Variants in PCBP3 observed in about 807,000 individuals in gnomAD.
PCBP3 encodes poly(rC)-binding protein 3.
A neutral mutation model predicts 52.7 loss-of-function variants in PCBP3; 25 were observed. The ratio of observed to expected loss-of-function variants is 0.47; its 90% CI spans 0.35 to 0.66. The LOEUF (loss-of-function observed/expected upper bound fraction) is 0.66. PCBP3 is among the 30% of genes least tolerant of loss of function. The probability of loss-of-function intolerance (pLI) is 0.01; values close to 1 mark genes in which losing one functional copy is unlikely to be tolerated. For missense variants in PCBP3, 391 were observed against 490.3 expected (o/e 0.80, Z 1.91); for synonymous variants, 162 against 183.0 (o/e 0.89, Z 0.93).
chr21:45,699,890 GAC>G (rs1414505001), intron 2 of PCBP3, among the ~76,000 whole-genome samples: 5 of 152,158 alleles, frequency 3.3e-5, no homozygotes, highest in Admixed American at 3.3e-4. Flanking sequence ...TTTGGGTGGG[GAC>G]ACAGCCAAAC....
intron 4 of PCBP3, among the ~76,000 whole-genome samples, chr21:45,758,860 G>C (rs1384277871): frequency 2.6e-5 from 4 of 152,006 alleles, no homozygotes; most frequent in Non-Finnish European, 5.9e-5. Context: ...TAAGTATGAT[G>C]ATAGCTTTTT....
chr21:45,838,398 C>CTAATAA (rs373725751), intron 4 of PCBP3, among the ~76,000 whole-genome samples: 10 of 151,582 alleles, frequency 6.6e-5, no homozygotes, highest in South Asian at 2.1e-4. Context: ...TGTTTTTGTT[C>CTAATAA]TAATAATAAT....
At chr21:45,814,266 TG>T (rs1427379423) in intron 4 of PCBP3, among the ~76,000 whole-genome samples, 5 of 152,014 alleles carry the variant, frequency 3.3e-5, no homozygotes, top group Non-Finnish European at 5.9e-5. Flanking sequence ...TCTGGGTGAG[TG>T]AGTGGTGGGT....
intron 4 of PCBP3, among the ~76,000 whole-genome samples, chr21:45,775,584 C>G (rs891410000): frequency 6.6e-6 from 1 of 152,024 alleles, no homozygotes; most frequent in African/African-American, 2.4e-5. Context: ...TCCTGGCTAA[C>G]TTTTTAAATT....
intron 4 of PCBP3, among the ~76,000 whole-genome samples, chr21:45,789,068 C>A (rs1466778124): frequency 6.6e-6 from 1 of 152,176 alleles, no homozygotes; most frequent in Non-Finnish European, 1.5e-5. Flanking sequence ...GGCTGTGTCC[C>A]CAGAGCTGGC....
intron 4 of PCBP3, among the ~76,000 whole-genome samples, chr21:45,766,158 A>G (rs575868176): frequency 6.6e-5 from 10 of 152,326 alleles, no homozygotes; most frequent in Admixed American, 5.9e-4. Context: ...TTGACCAGCC[A>G]TCCTTAGTGA....
At position 45,849,991 on chromosome 21, in the gene PCBP3, T is replaced by G; in HGVS notation, c.-95T>G. The G allele has an allele frequency of 8.2e-7, 1 of 1,220,876 alleles. No homozygotes were observed. Among genetic ancestry groups the G allele is most frequent in the Non-Finnish European group, 1.2e-6 (1 of 845,306 alleles). The allele number at this position is 1,220,876 out of a possible 1,614,324, so 75.6% of individuals were successfully genotyped here. On this transcript the variant is annotated 5_prime_UTR_variant, in exon 5 of 18. Coordinates refer to ENST00000681687, the MANE Select transcript of PCBP3 (RefSeq NM_001384156.1). ...TAGGCTCCACGACAAAAGTCAACCC[T>G]TCTGTAAATCACCTGCTGTGGTTAT...
chr21:45,783,830 T>C (rs890644975), intron 4 of PCBP3, among the ~76,000 whole-genome samples: 1 of 152,220 alleles, frequency 6.6e-6, no homozygotes, highest in African/African-American at 2.4e-5. Context: ...GGTGTGAAGA[T>C]GGCAGTTTCC....
intron 2 of PCBP3, among the ~76,000 whole-genome samples, chr21:45,714,034 G>C (rs1250545807): frequency 6.6e-6 from 1 of 152,176 alleles, no homozygotes; most frequent in Non-Finnish European, 1.5e-5. Context: ...CTGTCCTCTT[G>C]TTTTGTCTTT....
rs2085854390 is a variant in PCBP3, at chr21:45,736,132, C to T, written c.-162+703C>T. Among the ~76,000 whole-genome samples the T allele has an allele frequency of 6.6e-6, 1 of 152,228 alleles. No individual in the cohort carries two copies. The highest frequency in any genetic ancestry group is 1.5e-5 in the Non-Finnish European group (1 of 68,044). The stretch of plus-strand genomic sequence containing the variant: ...GTTCTGCATGGAAAACTAATGGAGT[C>T]ATGATGGCTGCTGATGCTGATGAAG... On this transcript the variant is annotated intron_variant, in intron 3 of 17. Coordinates refer to ENST00000681687, the MANE Select transcript of PCBP3 (RefSeq NM_001384156.1). The surrounding 1 kb of genome is among the most constrained non-coding windows in gnomAD (Gnocchi z 4.6).
chr21:45,837,347 C>T lies in PCBP3; in HGVS notation c.-125-12614C>T, dbSNP rs529418032. On this transcript the variant is annotated intron_variant, in intron 4 of 17. Coordinates refer to ENST00000681687, the MANE Select transcript of PCBP3 (RefSeq NM_001384156.1). This position sits in a 1 kb window ranked among gnomAD's most constrained non-coding sequence, Gnocchi z 4.1. ...AATCTGGGCAGGCATGTGCCTCCAGCGGAAATGATGTTATGTGACATCTGT... is the reference window on the plus strand; with the variant it reads ...AATCTGGGCAGGCATGTGCCTCCAGTGGAAATGATGTTATGTGACATCTGT... Among the ~76,000 whole-genome samples, 5 of 152,322 alleles carry T rather than the reference C, an allele frequency of 3.3e-5. No homozygotes were observed. The highest frequency in any genetic ancestry group is 4.1e-4 in the South Asian group (2 of 4,828).
intron 4 of PCBP3, among the ~76,000 whole-genome samples, chr21:45,770,098 A>C (rs2089734443): frequency 6.6e-6 from 1 of 152,332 alleles, no homozygotes; most frequent in East Asian, 1.9e-4. Flanking sequence ...GACATGGTGC[A>C]TAATCGACGG....
chr21:45,695,092 G>A (rs1412980888), intron 2 of PCBP3, among the ~76,000 whole-genome samples: 1 of 152,220 alleles, frequency 6.6e-6, no homozygotes, highest in Non-Finnish European at 1.5e-5. Flanking sequence ...ACAGAGCCTT[G>A]ACATAAGATG....
chr21:45,809,181 A>G (rs1227811991), intron 4 of PCBP3, among the ~76,000 whole-genome samples: 4 of 152,212 alleles, frequency 2.6e-5, no homozygotes, highest in Non-Finnish European at 5.9e-5. Flanking sequence ...CAGAACTTAA[A>G]GTATAAAAAA....
intron 11 of PCBP3, chr21:45,911,373 C>A: frequency 4.9e-6 from 1 of 202,682 alleles, no homozygotes; most frequent in Non-Finnish European, 9.6e-6. Context: ...GTGCTCTTTA[C>A]GTTGGAGTCA....
chr21:45,683,119 T>C (rs1368767625), intron 2 of PCBP3, among the ~76,000 whole-genome samples: 2 of 152,260 alleles, frequency 1.3e-5, no homozygotes, highest in East Asian at 3.9e-4. Context: ...AAAAAAAGTA[T>C]TTCAAGAAGG....
intron 3 of PCBP3, among the ~76,000 whole-genome samples, chr21:45,739,568 GT>G (rs2086234027): frequency 9.5e-6 from 1 of 105,602 alleles, no homozygotes; most frequent in Non-Finnish European, 1.8e-5. Context: ...CATCCTTCCT[GT>G]CCATTGTCCT....
At chr21:45,901,150 G>A (rs773350632) in intron 9 of PCBP3, 37 bp downstream of exon 9, 11 of 1,450,114 alleles carry the variant, frequency 7.6e-6, no homozygotes, top group Non-Finnish European at 1.1e-5. Context: ...CAGCCTGGCG[G>A]GGGCAGGCCT....
At chr21:45,699,402 A>G (rs1220599844) in intron 2 of PCBP3, among the ~76,000 whole-genome samples, 1 of 152,078 alleles carries the variant, frequency 6.6e-6, no homozygotes, top group Non-Finnish European at 1.5e-5. Context: ...CCTCCACTGC[A>G]CTCCAGTAGA....
Sources: gnomAD v4.1 joint callset for allele counts (sites outside exome capture counted in the v4.1 genomes callset) on GRCh38, gnomAD v4.1.1 for gene constraint, Gnocchi (gnomAD v3.1) non-coding constraint, MANE v1.5 for transcripts, NCBI Gene and HGNC (gene_info 2026-07-23, HGNC 2026-07-21) for gene names.